NRXN1: variants seen among roughly 807,000 people sequenced by gnomAD.
The protein encoded by NRXN1 is neurexin 1.
In NRXN1, 39 loss-of-function variants were observed where a neutral mutation model predicts 150.9. The ratio of observed to expected loss-of-function variants is 0.26; its 90% CI spans 0.20 to 0.34. The LOEUF is 0.34. NRXN1 is among the 10% of genes least tolerant of loss of function. The pLI is 1.00. For missense variants in NRXN1, 1,815 were observed against 1,949.9 expected, an observed-to-expected ratio of 0.93 and a Z score of 1.30; for synonymous variants, 924 against 757.0, an observed-to-expected ratio of 1.22 and a Z score of -3.62.
chr2:50,525,649 C>A (rs1378722569), intron 12 of NRXN1, among the ~76,000 whole-genome samples: 1 of 152,210 alleles, frequency 6.6e-6, no homozygotes, highest in African/African-American at 2.4e-5. Flanking sequence ...ACTCTGTAAT[C>A]TGCAAGATCA....
At chr2:50,015,516 CAAAA>C (rs34466037) in intron 21 of NRXN1, among the ~76,000 whole-genome samples, 18 of 31,294 alleles carry the variant, frequency 5.8e-4, no homozygotes, top group African/African-American at 1.6e-3. Flanking sequence ...GGATTTCTGC[CAAAA>C]AAAAAAAAAA....
At chr2:50,519,098 GCTTT>G (rs1370467799) in intron 12 of NRXN1, among the ~76,000 whole-genome samples, 1 of 151,762 alleles carries the variant, frequency 6.6e-6, no homozygotes, top group African/African-American at 2.4e-5. Context: ...CTCGTGTCTT[GCTTT>G]CTTTTTGTTT....
chr2:50,359,625 C>T (rs1318104879), intron 17 of NRXN1, among the ~76,000 whole-genome samples: 1 of 152,014 alleles, frequency 6.6e-6, no homozygotes, highest in Non-Finnish European at 1.5e-5. Context: ...ACCAAACCTA[C>T]ATTTGATTGG....
intron 12 of NRXN1, among the ~76,000 whole-genome samples, chr2:50,527,087 C>T (rs1435454579): frequency 2.0e-5 from 3 of 152,020 alleles, no homozygotes; most frequent in African/African-American, 7.2e-5. Context: ...TTTGTAAATT[C>T]AAAAATTCAT....
At chr2:50,643,791 A>C (rs1391797752) in intron 5 of NRXN1, among the ~76,000 whole-genome samples, 1 of 151,798 alleles carries the variant, frequency 6.6e-6, no homozygotes, top group Non-Finnish European at 1.5e-5. Flanking sequence ...TTTTAATTAT[A>C]GTTGTTTCAT....
Position 50,346,902 on chromosome 2 carries a change from C to T in NRXN1, c.3365-109932G>A. On this transcript the variant is annotated intron_variant, in intron 17 of 22. Transcript: ENST00000401669. The surrounding 1 kb of genome is among the most constrained non-coding windows in gnomAD (Gnocchi z 5.0). The stretch of plus-strand genomic sequence containing the variant: ...CGCCGCCGCCGCCGCCGCCGCCGCC[C>T]CCGGGCGAGCCCAGCTCGGCGCCGC... The T allele has an allele frequency of 7.8e-7, 1 of 1,281,446 alleles. No individual in the cohort carries two copies. The allele number at this position is 1,281,446 out of a possible 1,614,324, so 79.4% of individuals were successfully genotyped here. A position where few individuals can be genotyped will look rare whatever the true frequency, so the allele number is the denominator to read the frequency against.
intron 17 of NRXN1, among the ~76,000 whole-genome samples, chr2:50,256,192 G>A (rs2067682022): frequency 6.6e-6 from 1 of 152,122 alleles, no homozygotes; most frequent in Admixed American, 6.6e-5. Flanking sequence ...CAAGCAATTT[G>A]CAAGAATTAA....
At position 50,263,623 on chromosome 2, in the gene NRXN1, G is replaced by A. The variant is rs1480560073; in HGVS notation, c.3365-26653C>T. Among the ~76,000 whole-genome samples the A allele has an allele frequency of 3.9e-5, 6 of 152,114 alleles. No homozygotes were observed. The Middle Eastern group carries it at 0.01, about 259-fold the overall frequency. On this transcript the variant is annotated intron_variant, in intron 17 of 22. Transcript: ENST00000401669. ...AAACATAGGGACTTAAAACAGGTGAGAAAATTTTTAAGTGATTTGACCACT... is the reference window on the plus strand; with the variant it reads ...AAACATAGGGACTTAAAACAGGTGAAAAAATTTTTAAGTGATTTGACCACT...
intron 17 of NRXN1, among the ~76,000 whole-genome samples, chr2:50,241,780 C>T (rs762979443): frequency 6.6e-6 from 1 of 151,760 alleles, no homozygotes; most frequent in Non-Finnish European, 1.5e-5. Context: ...AGGGCTCTCT[C>T]CCTTCTTGTT....
At chr2:50,512,906 C>T (rs1460052970) in intron 12 of NRXN1, among the ~76,000 whole-genome samples, 1 of 152,120 alleles carries the variant, frequency 6.6e-6, no homozygotes, top group Non-Finnish European at 1.5e-5. Flanking sequence ...TTTTCACATA[C>T]CTCTTTACAT....
chr2:50,992,520 A>AG (rs1698690803), intron 2 of NRXN1, among the ~76,000 whole-genome samples: 1 of 151,856 alleles, frequency 6.6e-6, no homozygotes, highest in African/African-American at 2.4e-5. Context: ...GTGCTTATAA[A>AG]AAGCACAGTT....
chr2:49,942,703 A>G (rs1297275997), intron 22 of NRXN1, among the ~76,000 whole-genome samples: 2 of 151,930 alleles, frequency 1.3e-5, no homozygotes, highest in South Asian at 2.1e-4. Flanking sequence ...TCTGCCTCCA[A>G]GATTCAAGTG....
chr2:50,824,866 G>A (rs527330316), intron 5 of NRXN1, among the ~76,000 whole-genome samples: 1 of 152,252 alleles, frequency 6.6e-6, no homozygotes, highest in Admixed American at 6.5e-5. Flanking sequence ...GGGAATACTT[G>A]TTTTAAAATT....
chr2:50,225,888 T>A (rs480327), intron 18 of NRXN1, among the ~76,000 whole-genome samples: 1 of 151,942 alleles, frequency 6.6e-6, no homozygotes, highest in African/African-American at 2.4e-5. Flanking sequence ...TTTATTTAAC[T>A]AGAGAAAATG....
chr2:50,354,641 T>C (rs1435591632), intron 17 of NRXN1, among the ~76,000 whole-genome samples: 1 of 149,364 alleles, frequency 6.7e-6, no homozygotes, highest in African/African-American at 2.4e-5. Context: ...TTTTTTCCCC[T>C]TGTTTTATGG....
chr2:50,791,349 A>G (rs1463238849), intron 5 of NRXN1, among the ~76,000 whole-genome samples: 2 of 150,494 alleles, frequency 1.3e-5, no homozygotes, highest in Non-Finnish European at 2.9e-5. Context: ...AGCTTTGACT[A>G]TAAGTAGATC....
chr2:50,838,701 T>C (rs967512721), intron 5 of NRXN1, among the ~76,000 whole-genome samples: 2 of 152,008 alleles, frequency 1.3e-5, no homozygotes, highest in African/African-American at 4.8e-5. Context: ...GTGACGCATC[T>C]GCAAGTGAAA....
chr2:50,655,109 G>A (rs1369310170), intron 5 of NRXN1, among the ~76,000 whole-genome samples: 2 of 151,778 alleles, frequency 1.3e-5, no homozygotes, highest in East Asian at 3.9e-4. Flanking sequence ...TTTTAGAGAT[G>A]CAATAAACTG....
intron 18 of NRXN1, among the ~76,000 whole-genome samples, chr2:50,191,723 C>T (rs1271430865): frequency 6.6e-6 from 1 of 152,094 alleles, no homozygotes; most frequent in East Asian, 1.9e-4. Context: ...AGCATAGTTC[C>T]CCTGAGATCC....
Sources: allele counts gnomAD v4.1 joint callset (sites outside exome capture counted in the v4.1 genomes callset), GRCh38; gene constraint gnomAD v4.1.1; non-coding constraint Gnocchi (gnomAD v3.1); transcripts MANE v1.5; gene names NCBI Gene and HGNC (gene_info 2026-07-23, HGNC 2026-07-21).